EDIL3: variants seen among roughly 807,000 people sequenced by gnomAD.
EDIL3 encodes the protein EGF like and discoidin domains 3, also known as EGF-like repeat and discoidin I-like domain-containing protein 3.
Under a neutral mutation model 67.4 loss-of-function variants are expected in EDIL3, and 37 were observed. That is an observed-to-expected ratio of 0.55 (90% CI 0.42 to 0.72). EDIL3 has a LOEUF of 0.72. Ranked by LOEUF, EDIL3 falls within the 30% of genes least tolerant of loss-of-function variation. The pLI is 0.00. For synonymous variants in EDIL3, 195 were observed against 196.3 expected, an observed-to-expected ratio of 0.99 and a Z score of 0.05; for missense variants, 527 against 586.3, an observed-to-expected ratio of 0.90 and a Z score of 1.04.
chr5:84,352,443 C>A (rs1262250600), intron 1 of EDIL3, among the ~76,000 whole-genome samples: 1 of 152,090 alleles, frequency 6.6e-6, no homozygotes, highest in Non-Finnish European at 1.5e-5. Flanking sequence ...TACACACACA[C>A]ACACCATGGG....
At chr5:83,945,560 GA>G (rs1294746848) in intron 10 of EDIL3, among the ~76,000 whole-genome samples, 1 of 151,864 alleles carries the variant, frequency 6.6e-6, no homozygotes, top group East Asian at 1.9e-4. Context: ...AATACAGAAA[GA>G]AACAATTTTC....
At chr5:84,258,526 A>G (rs1439794973) in intron 1 of EDIL3, among the ~76,000 whole-genome samples, 1 of 152,160 alleles carries the variant, frequency 6.6e-6, no homozygotes, top group Non-Finnish European at 1.5e-5. Context: ...AGGCTCAAGT[A>G]GGGTCCTGAA....
intron 6 of EDIL3, among the ~76,000 whole-genome samples, chr5:84,094,727 A>G (rs1747231618): frequency 6.6e-6 from 1 of 152,256 alleles, no homozygotes; most frequent in African/African-American, 2.4e-5. Flanking sequence ...TTTGTACTAC[A>G]GAAATTTATA....
rs1430429771 is a variant in EDIL3 at position 83,960,891 on chromosome 5, T to C, written c.1293+2314A>G. Among the ~76,000 whole-genome samples, 5 of 150,972 alleles carry C rather than the reference T, an allele frequency of 3.3e-5. No individual in the cohort carries two copies. In the South Asian group the frequency reaches 1.0e-3, roughly 31 times the overall value. On this transcript the variant is annotated intron_variant, in intron 10 of 10. Transcript: ENST00000296591. The stretch of plus-strand genomic sequence containing the variant: ...CATTAATACTCCCATCAAATATAAA[T>C]TGTTTAAATGCTCCACTTGAAAAGC...
chr5:84,342,649 T>G (rs1013740058), intron 1 of EDIL3, among the ~76,000 whole-genome samples: 7 of 152,180 alleles, frequency 4.6e-5, no homozygotes, highest in African/African-American at 1.7e-4. Context: ...TTCTCTTCAT[T>G]ATTAAATGAG....
chr5:84,192,061 T>C (rs977816924), intron 3 of EDIL3, among the ~76,000 whole-genome samples: 3 of 152,016 alleles, frequency 2.0e-5, no homozygotes, highest in Non-Finnish European at 4.4e-5. Context: ...CAAAATACTT[T>C]TTCTGCTGTT....
chr5:84,205,089 T>A (rs1013680755), intron 3 of EDIL3, among the ~76,000 whole-genome samples: 2 of 151,664 alleles, frequency 1.3e-5, no homozygotes, highest in African/African-American at 4.8e-5. Flanking sequence ...GATTTTTTTT[T>A]TTTTTTTGTA....
chr5:83,947,753 T>C (rs902415247), intron 10 of EDIL3, among the ~76,000 whole-genome samples: 7 of 151,984 alleles, frequency 4.6e-5, no homozygotes, highest in African/African-American at 1.7e-4. Flanking sequence ...CACTTCAGTC[T>C]ATTGAATCTA....
chr5:84,174,290 G>C (rs1748861979), intron 4 of EDIL3, among the ~76,000 whole-genome samples: 1 of 152,190 alleles, frequency 6.6e-6, no homozygotes, highest in African/African-American at 2.4e-5. Flanking sequence ...ATTCTGATGG[G>C]AGCAATGGTG....
intron 3 of EDIL3, among the ~76,000 whole-genome samples, chr5:84,189,323 A>G (rs898843952): frequency 4.0e-5 from 6 of 151,822 alleles, no homozygotes; most frequent in Admixed American, 3.9e-4. Flanking sequence ...TCCTGGGGTT[A>G]ATCTTCATCC....
chr5:84,113,794 G>T (rs1337917667), intron 5 of EDIL3, among the ~76,000 whole-genome samples: 1 of 152,112 alleles, frequency 6.6e-6, no homozygotes, highest in Non-Finnish European at 1.5e-5. Context: ...CAGAATGAAA[G>T]GATTTCAAAT....
chr5:84,308,898 T>C (rs1746325233), intron 1 of EDIL3, among the ~76,000 whole-genome samples: 1 of 152,304 alleles, frequency 6.6e-6, no homozygotes, highest in South Asian at 2.1e-4. Flanking sequence ...ATCACGGAAG[T>C]GGCGAAAATT....
chr5:83,988,367 A>C (rs918233821), intron 9 of EDIL3, among the ~76,000 whole-genome samples: 3 of 152,224 alleles, frequency 2.0e-5, no homozygotes, highest in African/African-American at 7.2e-5. Context: ...AAATGTAAAT[A>C]CATTTTCATT....
intron 4 of EDIL3, among the ~76,000 whole-genome samples, chr5:84,176,734 GGTGTGTGTATGTGTGTATATAT>G (rs1288809616): frequency 3.9e-5 from 5 of 129,058 alleles, no homozygotes; most frequent in Middle Eastern, 3.9e-3. Context: ...CACACACAGA[GGTGTGTGTATGTGTGTATATAT>G]GTGTGTGTGT....
chr5:83,956,261 T>G (rs1011145042), intron 10 of EDIL3, among the ~76,000 whole-genome samples: 4 of 151,798 alleles, frequency 2.6e-5, no homozygotes, highest in Non-Finnish European at 4.4e-5. Context: ...TTAGTTGTTC[T>G]TGGATCTAGG....
intron 5 of EDIL3, among the ~76,000 whole-genome samples, chr5:84,121,555 ATC>A (rs1747775898): frequency 6.6e-6 from 1 of 150,810 alleles, no homozygotes; most frequent in South Asian, 2.1e-4. Context: ...CTATCTATCT[ATC>A]TATCTATCTA....
At chr5:84,148,806 T>C (rs928120007) in intron 4 of EDIL3, among the ~76,000 whole-genome samples, 2 of 152,146 alleles carry the variant, frequency 1.3e-5, no homozygotes, top group Non-Finnish European at 2.9e-5. Flanking sequence ...TTACTTTTTA[T>C]ATATTTTTAT....
intron 4 of EDIL3, among the ~76,000 whole-genome samples, chr5:84,148,840 C>T (rs1479566144): frequency 6.6e-6 from 1 of 151,820 alleles, no homozygotes; most frequent in South Asian, 2.1e-4. Context: ...GTAAGTATGC[C>T]AAATCAGCAT....
At chr5:84,225,754 C>T (rs1744439186) in intron 3 of EDIL3, among the ~76,000 whole-genome samples, 1 of 151,250 alleles carries the variant, frequency 6.6e-6, no homozygotes, top group Admixed American at 6.6e-5. Context: ...ACTCTGTGTG[C>T]CTATAGAATT....
Sources: gnomAD v4.1 joint callset for allele counts (sites outside exome capture counted in the v4.1 genomes callset) on GRCh38, gnomAD v4.1.1 for gene constraint, MANE v1.5 for transcripts, NCBI Gene and HGNC (gene_info 2026-07-23, HGNC 2026-07-21) for gene names.